Variants in GRK7 observed in about 807,000 individuals in gnomAD.
The protein encoded by GRK7 is G protein-coupled receptor kinase 7, also known as rhodopsin kinase GRK7.
Under a neutral mutation model 34.1 loss-of-function variants are expected in GRK7, and 24 were observed. That is an observed-to-expected ratio of 0.70 (90% confidence interval 0.51 to 0.99). The LOEUF (loss-of-function observed/expected upper bound fraction) is 0.99. GRK7 is among the 50% of genes least tolerant of loss of function. The probability of loss-of-function intolerance (pLI) is 0.00; values close to 1 mark genes in which losing one functional copy is unlikely to be tolerated. For synonymous variants in GRK7, 256 were observed against 279.4 expected, an observed-to-expected ratio of 0.92 and a Z score of 0.84; for missense variants, 644 against 707.3, an observed-to-expected ratio of 0.91 and a Z score of 1.02.
chr3:141,757,008 G>A, the GRK7 span, among the ~76,000 whole-genome samples: 4 of 152,006 alleles, frequency 2.6e-5, no homozygotes, highest in East Asian at 3.9e-4. Flanking sequence ...ATTTTTCAGG[G>A]TTTTAAATGT....
chr3:141,783,443 AC>A (rs2084681218), intron 4 of GRK7, among the ~76,000 whole-genome samples: 1 of 152,200 alleles, frequency 6.6e-6, no homozygotes, highest in Non-Finnish European at 1.5e-5. Context: ...AGGATGAAGA[AC>A]AGCTGGATAT....
upstream of GRK7, among the ~76,000 whole-genome samples, chr3:141,760,709 G>A (rs2084551956): frequency 6.7e-6 from 1 of 148,526 alleles, no homozygotes; most frequent in Non-Finnish European, 1.5e-5. Flanking sequence ...AATGTTGACA[G>A]TGGGGTGTTA....
intron 5 of GRK7, among the ~76,000 whole-genome samples, chr3:141,816,208 G>T (rs1204556584): frequency 1.3e-5 from 2 of 152,130 alleles, no homozygotes; most frequent in Non-Finnish European, 2.9e-5. Flanking sequence ...AGTCTTTAAA[G>T]AAATAACACC....
the GRK7 span, among the ~76,000 whole-genome samples, chr3:141,754,129 T>C: frequency 1.3e-5 from 2 of 152,172 alleles, no homozygotes; most frequent in Non-Finnish European, 2.9e-5. Context: ...GCAACAAATA[T>C]CAGAAAACTG....
intron 5 of GRK7, among the ~76,000 whole-genome samples, chr3:141,816,385 T>C (rs1711153408): frequency 6.6e-6 from 1 of 152,152 alleles, no homozygotes; most frequent in Non-Finnish European, 1.5e-5. Context: ...GACTGGAAGC[T>C]GCAGGCAAGC....
At chr3:141,809,179 G>T (rs1711067738) in intron 5 of GRK7, among the ~76,000 whole-genome samples, 1 of 152,086 alleles carries the variant, frequency 6.6e-6, no homozygotes, top group Admixed American at 6.6e-5. Flanking sequence ...TCCAGCCTGG[G>T]CAACAGAGCA....
intron 4 of GRK7, among the ~76,000 whole-genome samples, chr3:141,801,317 AAAAAAAAAAAAAAAAAAG>A (rs1195629801): frequency 6.7e-6 from 1 of 148,458 alleles, no homozygotes; most frequent in Non-Finnish European, 1.5e-5. Context: ...TCTCAAAAAA[AAAAAAAAAAAAAAAAAAG>A]AAATGCAAAG....
At chr3:141,768,930 A>G (rs762292756) in intron 1 of GRK7, among the ~76,000 whole-genome samples, 6 of 152,136 alleles carry the variant, frequency 3.9e-5, no homozygotes, top group Middle Eastern at 3.4e-3. Flanking sequence ...TTACAGGCTC[A>G]TCCTCTGAAT....
intron 2 of GRK7, among the ~76,000 whole-genome samples, chr3:141,775,624 T>C (rs2084635571): frequency 6.6e-6 from 1 of 152,100 alleles, no homozygotes. Context: ...AATTGAAATG[T>C]GTTGTAAGTG....
chr3:141,768,829 C>T (rs1259635674), intron 1 of GRK7, among the ~76,000 whole-genome samples: 4 of 152,112 alleles, frequency 2.6e-5, no homozygotes, highest in Non-Finnish European at 5.9e-5. Context: ...CAGCAGCATT[C>T]GATGCAGTTG....
the GRK7 span, among the ~76,000 whole-genome samples, chr3:141,755,254 G>T: frequency 2.6e-5 from 4 of 152,136 alleles, no homozygotes; most frequent in Middle Eastern, 3.2e-3. Flanking sequence ...TATAATCCTA[G>T]CTACTCAGGA....
At chr3:141,810,341 T>G (rs1354878552) in intron 5 of GRK7, among the ~76,000 whole-genome samples, 1 of 144,588 alleles carries the variant, frequency 6.9e-6, no homozygotes, top group Non-Finnish European at 1.5e-5. Flanking sequence ...TCTCTCTCTC[T>G]CGCCTCTTTT....
intron 1 of GRK7, among the ~76,000 whole-genome samples, chr3:141,766,488 C>A (rs2084581694): frequency 6.6e-6 from 1 of 152,038 alleles, no homozygotes; most frequent in Admixed American, 6.6e-5. Context: ...CTTCCTTATT[C>A]TCTCCACTCT....
chr3:141,780,361 T>C lies in GRK7; in HGVS notation c.613-13T>C, dbSNP rs2084665718. ...ACTTCTACCTCTTTCTCTTCTTTTC[T>C]TTCTCCTTTAAGGTATGTGCCGTCC... On this transcript the variant is annotated splice_polypyrimidine_tract_variant and intron_variant, in intron 3 of 5. Coordinates refer to ENST00000682958, the MANE Select transcript of GRK7 (RefSeq NM_139209.3). 3.1e-6 allele frequency: 5 copies of C among 1,607,794 alleles called. No individual in the cohort carries two copies. The highest frequency in any genetic ancestry group is 1.3e-5 in the African/African-American group (1 of 74,562).
chr3:141,779,888 A>G (rs527526984), intron 3 of GRK7, among the ~76,000 whole-genome samples: 70 of 152,294 alleles, frequency 4.6e-4, no homozygotes, highest in African/African-American at 1.6e-3. Flanking sequence ...CATTGTATGG[A>G]TGTACTACAT....
At chr3:141,768,988 T>C (rs577920389) in intron 1 of GRK7, among the ~76,000 whole-genome samples, 34 of 152,166 alleles carry the variant, frequency 2.2e-4, no homozygotes, top group African/African-American at 8.0e-4. Context: ...CATCTTCCAG[T>C]CTCACTCCCT....
At chr3:141,776,002 C>T (rs1012729456) in intron 2 of GRK7, among the ~76,000 whole-genome samples, 3 of 152,048 alleles carry the variant, frequency 2.0e-5, no homozygotes, top group Non-Finnish European at 4.4e-5. Flanking sequence ...TCTGTGATAT[C>T]GGCCAGGCAC....
chr3:141,795,470 G>T (rs1020032207), intron 4 of GRK7, among the ~76,000 whole-genome samples: 4 of 152,238 alleles, frequency 2.6e-5, no homozygotes, highest in African/African-American at 9.6e-5. Context: ...GAACAGAGTG[G>T]CTTTGCAGCT....
At chr3:141,799,946 C>A (rs1440501102) in intron 4 of GRK7, among the ~76,000 whole-genome samples, 1 of 152,180 alleles carries the variant, frequency 6.6e-6, no homozygotes, top group African/African-American at 2.4e-5. Context: ...TAACTTTAAT[C>A]CTTAATGTCA....
Sources: allele counts gnomAD v4.1 joint callset (sites outside exome capture counted in the v4.1 genomes callset), GRCh38; gene constraint gnomAD v4.1.1; transcripts MANE v1.5; gene names NCBI Gene and HGNC (gene_info 2026-07-23, HGNC 2026-07-21).